PDGFD: variants seen among roughly 807,000 people sequenced by gnomAD.
PDGFD encodes platelet derived growth factor D.
Under a neutral mutation model 44.7 loss-of-function variants are expected in PDGFD, and 30 were observed. The observed-to-expected ratio is 0.67, with a 90% CI of 0.50 to 0.91. The LOEUF is 0.91. PDGFD is among the 40% of genes least tolerant of loss of function. The pLI is 0.00. For missense variants in PDGFD, 445 were observed against 457.8 expected, an observed-to-expected ratio of 0.97 and a Z score of 0.25; for synonymous variants, 173 against 168.4, an observed-to-expected ratio of 1.03 and a Z score of -0.21.
chr11:103,996,532 AGT>A (rs1383685660), intron 2 of PDGFD, among the ~76,000 whole-genome samples: 1 of 152,198 alleles, frequency 6.6e-6, no homozygotes, highest in Non-Finnish European at 1.5e-5. Flanking sequence ...GGTTTTAGAA[AGT>A]TTTCTTGGAA....
intron 1 of PDGFD, among the ~76,000 whole-genome samples, chr11:104,101,151 G>A (rs1361461801): frequency 1.3e-5 from 2 of 152,116 alleles, no homozygotes; most frequent in African/African-American, 4.8e-5. Context: ...AGGAAAAGAG[G>A]AAGTCAAATT....
At chr11:104,038,068 T>C (rs1329332882) in intron 1 of PDGFD, 2 of 1,511,364 alleles carry the variant, frequency 1.3e-6, no homozygotes, top group African/African-American at 1.4e-5. Context: ...CCGGCAATTA[T>C]AAGTTAAGAG....
At chr11:104,007,095 G>C (rs1253416240) in intron 1 of PDGFD, among the ~76,000 whole-genome samples, 2 of 152,144 alleles carry the variant, frequency 1.3e-5, no homozygotes, top group African/African-American at 4.8e-5. Context: ...CCTCCTGTAA[G>C]GGGTTTGAGT....
At chr11:104,009,769 A>G (rs1179300240) in intron 1 of PDGFD, among the ~76,000 whole-genome samples, 1 of 152,166 alleles carries the variant, frequency 6.6e-6, no homozygotes, top group African/African-American at 2.4e-5. Flanking sequence ...GAGTCTCACC[A>G]TGTGAACTGA....
At chr11:104,091,183 T>C (rs554017985) in intron 1 of PDGFD, among the ~76,000 whole-genome samples, 1 of 152,314 alleles carries the variant, frequency 6.6e-6, no homozygotes, top group East Asian at 1.9e-4. Flanking sequence ...ATAGGCATAC[T>C]ATAGAAATAG....
At chr11:104,001,907 T>C (rs930632071) in intron 1 of PDGFD, among the ~76,000 whole-genome samples, 1 of 152,232 alleles carries the variant, frequency 6.6e-6, no homozygotes, top group Non-Finnish European at 1.5e-5. Context: ...AAAGTCTCTT[T>C]TGCAAGTGAT....
intron 1 of PDGFD, among the ~76,000 whole-genome samples, chr11:104,002,913 C>T (rs1859641616): frequency 6.6e-6 from 1 of 152,164 alleles, no homozygotes; most frequent in Admixed American, 6.5e-5. Context: ...AAATATATTA[C>T]TATTAAATTT....
intron 3 of PDGFD, among the ~76,000 whole-genome samples, chr11:103,974,517 T>A (rs1377815415): frequency 6.6e-6 from 1 of 152,198 alleles, no homozygotes; most frequent in Non-Finnish European, 1.5e-5. Context: ...ATGTGCAGGT[T>A]TGTTTCATAG....
chr11:104,030,239 A>C (rs1284611098), intron 1 of PDGFD, among the ~76,000 whole-genome samples: 1 of 152,224 alleles, frequency 6.6e-6, no homozygotes, highest in East Asian at 1.9e-4. Flanking sequence ...CATGCATTTC[A>C]GATAAGGGAA....
At chr11:104,093,358 C>T (rs866259743) in intron 1 of PDGFD, among the ~76,000 whole-genome samples, 5 of 152,010 alleles carry the variant, frequency 3.3e-5, no homozygotes, top group African/African-American at 1.2e-4. Flanking sequence ...CAATTGAGTG[C>T]TCTGTCTCTA....
Position 104,036,769 on chromosome 11 carries a change from C to A in PDGFD, c.125-36514G>T, listed in dbSNP as rs1009643869. 2.8e-6 allele frequency: 4 copies of A among 1,450,892 alleles called. No individual in the cohort carries two copies. In the African/African-American group the frequency reaches 4.2e-5, roughly 15 times the overall value. The allele number at this position is 1,450,892 out of a possible 1,614,324, so 89.9% of individuals were successfully genotyped here. A position where few individuals can be genotyped will look rare whatever the true frequency, so the allele number is the denominator to read the frequency against. On this transcript the variant is annotated intron_variant, in intron 1 of 6. Coordinates refer to ENST00000393158, the MANE Select transcript of PDGFD (RefSeq NM_025208.5). ...ACCAACGACGCAGGCCCGCCCCAGC[C>A]CGCCAGTGAGCCGCCCATGCCCTCT...
chr11:103,941,439 A>G (rs764434425), intron 5 of PDGFD, among the ~76,000 whole-genome samples: 6 of 152,138 alleles, frequency 3.9e-5, no homozygotes, highest in African/African-American at 7.2e-5. Context: ...AGAATAAGGG[A>G]CAAGGTAGGC....
chr11:104,035,747 A>G (rs1860221044), intron 1 of PDGFD, among the ~76,000 whole-genome samples: 1 of 152,132 alleles, frequency 6.6e-6, no homozygotes. Flanking sequence ...TTTCTCTAGA[A>G]ATAACAGCCC....
At position 104,042,367 on chromosome 11, in the gene PDGFD, T is replaced by C. The variant is rs76069648; in HGVS notation, c.125-42112A>G. 6.6e-3 allele frequency among the ~76,000 whole-genome samples: 999 copies of C among 152,304 alleles called. 17 individuals are homozygous for C. Among genetic ancestry groups the C allele is most frequent in the African/African-American group, 0.023 (943 of 41,570 alleles). Reference sequence around the variant, plus strand: ...TCTTTGAATTTCTAAGGATCTGTTATCAGAAAAAAATGGAGCTTGCAGTCT... The same window carrying C: ...TCTTTGAATTTCTAAGGATCTGTTACCAGAAAAAAATGGAGCTTGCAGTCT... On this transcript the variant is annotated intron_variant, in intron 1 of 6. Transcript: ENST00000393158.
intron 3 of PDGFD, among the ~76,000 whole-genome samples, chr11:103,970,087 T>C (rs572382251): frequency 1.1e-4 from 16 of 152,206 alleles, no homozygotes; most frequent in African/African-American, 3.8e-4. Context: ...TAATAACTTG[T>C]GCAATGTACA....
At chr11:104,050,908 C>T (rs1008314059) in intron 1 of PDGFD, among the ~76,000 whole-genome samples, 1 of 152,180 alleles carries the variant, frequency 6.6e-6, no homozygotes, top group Non-Finnish European at 1.5e-5. Context: ...ATAAACCATA[C>T]ATCCATTTAA....
intron 3 of PDGFD, among the ~76,000 whole-genome samples, chr11:103,972,532 A>G (rs551637758): frequency 1.3e-5 from 2 of 152,254 alleles, no homozygotes; most frequent in Admixed American, 6.5e-5. Flanking sequence ...GCCAGTCACT[A>G]TCCTGGCTTC....
chr11:104,016,736 A>T (rs1305071354), intron 1 of PDGFD, among the ~76,000 whole-genome samples: 1 of 152,260 alleles, frequency 6.6e-6, no homozygotes, highest in African/African-American at 2.4e-5. Context: ...CGGAAAGGGC[A>T]CCATGGCCAC....
At chr11:104,068,714 A>T (rs1439858447) in intron 1 of PDGFD, among the ~76,000 whole-genome samples, 1 of 152,202 alleles carries the variant, frequency 6.6e-6, no homozygotes, top group Non-Finnish European at 1.5e-5. Flanking sequence ...ACATATTTGG[A>T]TGTAATTTTA....
Sources: allele counts gnomAD v4.1 joint callset (sites outside exome capture counted in the v4.1 genomes callset), GRCh38; gene constraint gnomAD v4.1.1; transcripts MANE v1.5; gene names NCBI Gene and HGNC (gene_info 2026-07-23, HGNC 2026-07-21).